The following L3MBTL4 variants were observed in gnomAD, a reference collection of about 807,000 sequenced individuals.
L3MBTL4 encodes L3MBTL histone methyl-lysine binding protein 4.
In L3MBTL4, 70 loss-of-function variants were observed where a neutral mutation model predicts 84.5. The observed-to-expected ratio is 0.83, with a 90% CI of 0.68 to 1.01. The LOEUF is 1.01. L3MBTL4 is among the 50% of genes least tolerant of loss of function. L3MBTL4 has a pLI of 0.00. For missense variants in L3MBTL4, 715 were observed against 754.8 expected, an observed-to-expected ratio of 0.95 and a Z score of 0.62; for synonymous variants, 274 against 259.8, an observed-to-expected ratio of 1.05 and a Z score of -0.52.
At chr18:6,133,570 T>C (rs1331900621) in intron 14 of L3MBTL4, among the ~76,000 whole-genome samples, 1 of 152,016 alleles carries the variant, frequency 6.6e-6, no homozygotes, top group East Asian at 1.9e-4. Context: ...GCACTAATGT[T>C]ACAGCAGGTA....
chr18:6,002,877 C>T (rs751655976), intron 16 of L3MBTL4, among the ~76,000 whole-genome samples: 12 of 151,514 alleles, frequency 7.9e-5, no homozygotes, highest in Non-Finnish European at 1.3e-4. Flanking sequence ...GAACTAAACT[C>T]TCTAATCAAA....
At chr18:6,295,346 C>CTCTCTCTCTCTA (rs1261475809) in intron 4 of L3MBTL4, among the ~76,000 whole-genome samples, 8 of 81,384 alleles carry the variant, frequency 9.8e-5, no homozygotes, top group East Asian at 4.0e-4. Context: ...CTCTCTCTCT[C>CTCTCTCTCTCTA]TATATATATA....
intron 12 of L3MBTL4, among the ~76,000 whole-genome samples, chr18:6,178,180 C>A (rs2044309702): frequency 6.6e-6 from 1 of 152,064 alleles, no homozygotes; most frequent in African/African-American, 2.4e-5. Flanking sequence ...CTCTTATGTT[C>A]ATTAATAAAT....
At chr18:6,131,638 G>T (rs900505718) in intron 14 of L3MBTL4, among the ~76,000 whole-genome samples, 4 of 152,120 alleles carry the variant, frequency 2.6e-5, no homozygotes, top group African/African-American at 4.8e-5. Flanking sequence ...ATACAGCAAA[G>T]ATTTAAAAAT....
chr18:6,013,591 C>T (rs2054831852), intron 16 of L3MBTL4, among the ~76,000 whole-genome samples: 2 of 152,196 alleles, frequency 1.3e-5, no homozygotes, highest in African/African-American at 2.4e-5. Context: ...GCCTAAGTTC[C>T]TTAGCGCGTC....
At chr18:6,318,700 A>C (rs2051250286) in intron 1 of L3MBTL4, among the ~76,000 whole-genome samples, 1 of 152,000 alleles carries the variant, frequency 6.6e-6, no homozygotes, top group Non-Finnish European at 1.5e-5. Flanking sequence ...TCAACACCGC[A>C]CTGACAGCAC....
In L3MBTL4 at chr18:6,134,340, C is replaced by A. The variant is rs1228718240; in HGVS notation, c.1199+3854G>T. 8.2e-4 allele frequency among the ~76,000 whole-genome samples: 125 copies of A among 152,130 alleles called. 2 individuals carry two copies. Among genetic ancestry groups the A allele is most frequent in the Non-Finnish European group, 8.8e-5 (6 of 68,032 alleles). Reference sequence around the variant, plus strand: ...GCCAAACCATATCATTCCACCCCGGCCCCTCCAAATCTCAGGTCCTCACAT... The same window carrying A: ...GCCAAACCATATCATTCCACCCCGGACCCTCCAAATCTCAGGTCCTCACAT... On this transcript the variant is annotated intron_variant, in intron 14 of 18. Transcript: ENST00000317931.
chr18:6,183,077 C>T (rs942948661), intron 12 of L3MBTL4, among the ~76,000 whole-genome samples: 2 of 151,982 alleles, frequency 1.3e-5, no homozygotes, highest in African/African-American at 4.8e-5. Flanking sequence ...TTAGTTTTTC[C>T]CATAAGATGT....
chr18:6,289,100 T>C (rs1200082567), intron 4 of L3MBTL4, among the ~76,000 whole-genome samples: 1 of 151,996 alleles, frequency 6.6e-6, no homozygotes, highest in Non-Finnish European at 1.5e-5. Flanking sequence ...TGTCCCAAAG[T>C]TTTTTTAAAA....
intron 16 of L3MBTL4, among the ~76,000 whole-genome samples, chr18:5,982,015 GA>G (rs111610090): frequency 2.7e-5 from 4 of 146,838 alleles, no homozygotes; most frequent in African/African-American, 7.6e-5. Flanking sequence ...TGTGTTTTGG[GA>G]AAAAAAAGGA....
At chr18:6,004,223 G>A (rs1433323491) in intron 16 of L3MBTL4, among the ~76,000 whole-genome samples, 1 of 152,054 alleles carries the variant, frequency 6.6e-6, no homozygotes, top group Non-Finnish European at 1.5e-5. Flanking sequence ...GAAATGAAAA[G>A]GATTATAAGA....
chr18:6,184,611 T>C (rs2044634452), intron 12 of L3MBTL4, among the ~76,000 whole-genome samples: 1 of 152,262 alleles, frequency 6.6e-6, no homozygotes, highest in Admixed American at 6.5e-5. Context: ...AAGCCATTTC[T>C]TCTTTTAGAA....
At chr18:6,106,759 C>T (rs2059022329) in intron 14 of L3MBTL4, among the ~76,000 whole-genome samples, 1 of 152,220 alleles carries the variant, frequency 6.6e-6, no homozygotes, top group Non-Finnish European at 1.5e-5. Flanking sequence ...TTACCTTACA[C>T]AGCTTTACAA....
chr18:6,046,897 TAA>T (rs1405197500), intron 16 of L3MBTL4: 2 of 562,786 alleles, frequency 3.6e-6, no homozygotes, highest in Non-Finnish European at 6.4e-6. Flanking sequence ...AAGAATTGAC[TAA>T]AATCAGAGCA....
At chr18:6,184,934 G>A (rs2044651123) in intron 12 of L3MBTL4, among the ~76,000 whole-genome samples, 1 of 152,190 alleles carries the variant, frequency 6.6e-6, no homozygotes, top group Non-Finnish European at 1.5e-5. Flanking sequence ...AAAACTTGCA[G>A]CATTATTTTT....
chr18:6,084,933 G>T (rs2058209758), intron 15 of L3MBTL4, among the ~76,000 whole-genome samples: 1 of 152,186 alleles, frequency 6.6e-6, no homozygotes, highest in African/African-American at 2.4e-5. Context: ...GGTGTGGTGT[G>T]CAATGAGGTA....
At chr18:6,314,126 TA>T (rs1336027147) in intron 1 of L3MBTL4, among the ~76,000 whole-genome samples, 1 of 152,188 alleles carries the variant, frequency 6.6e-6, no homozygotes, top group Non-Finnish European at 1.5e-5. Flanking sequence ...AGATTTTGTA[TA>T]ATCCTTTATA....
At chr18:6,192,600 A>T (rs1020910775) in intron 12 of L3MBTL4, among the ~76,000 whole-genome samples, 1 of 152,108 alleles carries the variant, frequency 6.6e-6, no homozygotes, top group Non-Finnish European at 1.5e-5. Context: ...GAGGAATGGG[A>T]AATTTTAGGA....
In L3MBTL4 at chr18:6,213,590, T is replaced by C. The variant is rs187084744; in HGVS notation, c.871-331A>G. ...ACCATGCCCAGCTAATTTTGTGTTATAAGTAGAGACAGGGTTTCACCATGT... is the reference window on the plus strand; with the variant it reads ...ACCATGCCCAGCTAATTTTGTGTTACAAGTAGAGACAGGGTTTCACCATGT... On this transcript the variant is annotated intron_variant, in intron 11 of 18. Coordinates refer to ENST00000317931, the MANE Select transcript of L3MBTL4 (RefSeq NM_001330559.2). 2.3e-3 allele frequency among the ~76,000 whole-genome samples: 346 copies of C among 152,268 alleles called. 1 individual carries two copies. Among genetic ancestry groups the C allele is most frequent in the African/African-American group, 8.2e-3 (340 of 41,560 alleles).
Sources: gnomAD v4.1 joint callset for allele counts (sites outside exome capture counted in the v4.1 genomes callset) on GRCh38, gnomAD v4.1.1 for gene constraint, MANE v1.5 for transcripts, NCBI Gene and HGNC (gene_info 2026-07-23, HGNC 2026-07-21) for gene names.